Variants in RTP1 observed in about 807,000 individuals in gnomAD.
RTP1 encodes the protein receptor-transporting protein 1.
A neutral mutation model predicts 27.1 loss-of-function variants in RTP1; 24 were observed. The ratio of observed to expected loss-of-function variants is 0.89; its 90% CI spans 0.64 to 1.25. The LOEUF is 1.25. RTP1 is among the 50% of genes most tolerant of loss of function. The pLI is 0.00. For missense variants in RTP1, 338 were observed against 351.6 expected (o/e 0.96, Z 0.31); for synonymous variants, 148 against 148.1 (o/e 1.00, Z 0.00).
rs1721717659 is a variant in RTP1 at position 187,201,407 on chromosome 3, G to A, written c.*1337G>A. 6.6e-6 allele frequency: 1 copy of A among 152,172 alleles called. No individual in the cohort carries two copies. The highest frequency in any genetic ancestry group is 1.5e-5 in the Non-Finnish European group (1 of 68,030). The allele number at this position is 152,172 out of a possible 1,614,324, so 9.4% of individuals were successfully genotyped here. A position where few individuals can be genotyped will look rare whatever the true frequency, so the allele number is the denominator to read the frequency against. On this transcript the variant is annotated 3_prime_UTR_variant, in exon 2 of 2. Coordinates refer to ENST00000312295, the MANE Select transcript of RTP1 (RefSeq NM_153708.3). ...GTCACCATCATCTGTAGTGATGGAGGAAGGGGGTCACTTATATAAAGATGG... is the reference window on the plus strand; with the variant it reads ...GTCACCATCATCTGTAGTGATGGAGAAAGGGGGTCACTTATATAAAGATGG...
Position 187,197,766 on chromosome 3 carries a change from T to C in RTP1, c.251T>C (p.Leu84Pro). ...CTGAGCCCTGGTTGGAAGCAGTACC[T>C]GGAATTGCATGCTTCAGGCAGGTGA... Reference protein sequence around the residue: ...NVLSPGWKQYLELHASGRFHC... With the variant: ...NVLSPGWKQYPELHASGRFHC... The change falls in exon 1 of 2, where the codon CTG becomes CCG. Residue 84 changes from leucine to proline, a missense_variant. By Grantham distance (98) the Leu-to-Pro change is moderately conservative. This residue lies in a region of RTP1 where 22 missense variants were observed against 45.6 expected (regional missense o/e 0.48). Transcript: ENST00000312295. 1 of 1,613,280 alleles carries C rather than the reference T, an allele frequency of 6.2e-7. No homozygotes were observed. Among genetic ancestry groups the C allele is most frequent in the East Asian group, 2.2e-5 (1 of 44,854 alleles).
chr3:187,197,562 T>C lies in RTP1; in HGVS notation c.47T>C (p.Leu16Pro), dbSNP rs201340554. 8 of 1,614,166 alleles carry C rather than the reference T, an allele frequency of 5.0e-6. No homozygotes were observed. Among genetic ancestry groups the C allele is most frequent in the Non-Finnish European group, 5.9e-6 (7 of 1,180,014 alleles). Reference protein sequence around the residue: ...PWRLRCPALHLPSLSVFSLRW... With the variant: ...PWRLRCPALHPPSLSVFSLRW... ...AGACTGCGCTGCCCTGCCCTGCACC[T>C]ACCCTCACTCTCCGTGTTCTCACTA... is the stretch of plus-strand genomic sequence containing the variant. Residue 16 changes from leucine to proline, a missense_variant, in exon 1 of 2, where the codon CTA (leucine) becomes CCA (proline). Physicochemically the swap from Leu to Pro is moderately conservative, Grantham distance 98 (BLOSUM62 -3). Around this residue, in one of 3 missense-constraint regions of RTP1, gnomAD observed 64 missense variants for 74.5 expected, o/e 0.86. Transcript: ENST00000312295.
Position 187,197,645 on chromosome 3 carries a change from G to C in RTP1, c.130G>C (p.Asp44His), listed in dbSNP as rs764819295. 6.2e-7 allele frequency: 1 copy of C among 1,614,218 alleles called. No individual in the cohort carries two copies. The highest frequency in any genetic ancestry group is 1.1e-5 in the South Asian group (1 of 91,082). Residue 44 changes from aspartate (D) to histidine (H), a missense_variant, in exon 1 of 2, where the codon GAT becomes CAT. Physicochemically the swap from Asp to His is moderately conservative, Grantham distance 81 (BLOSUM62 -1). Transcript: ENST00000312295. ...DETMCKSVTT[D>H]EWKKVFYEKM... ...GACCATGTGTAAAAGCGTGACCACA[G>C]ATGAGTGGAAGAAAGTCTTCTATGA...
rs368211568 is a variant in RTP1, at chr3:187,200,092, G to A, written c.*22G>A. The A allele has an allele frequency of 3.2e-5, 48 of 1,490,540 alleles. No homozygotes were observed. In the African/African-American group the frequency reaches 6.3e-4, roughly 20 times the overall value. The allele number at this position is 1,490,540 out of a possible 1,614,324, so 92.3% of individuals were successfully genotyped here. A position where few individuals can be genotyped will look rare whatever the true frequency, so the allele number is the denominator to read the frequency against. ...ATAAGATTCCGTGGTTGGGCCCAGA[G>A]CCTGTCGAGGGTGCCAGTTAGCTGA... On this transcript the variant is annotated 3_prime_UTR_variant, in exon 2 of 2. Transcript: ENST00000312295.
At chr3:187,198,042 A>G in intron 1 of RTP1, 1 of 495,126 alleles carries the variant, frequency 2.0e-6, no homozygotes, top group East Asian at 3.3e-5. Context: ...TGGAAAATAA[A>G]GACATAGAAT....
intron 1 of RTP1, chr3:187,199,113 T>C (rs1721655731): frequency 6.3e-6 from 1 of 159,730 alleles, no homozygotes; most frequent in Non-Finnish European, 1.4e-5. Flanking sequence ...TGATAGCTAG[T>C]AATGGTGTCA....
chr3:187,199,007 T>G (rs1721653667), intron 1 of RTP1, among the ~76,000 whole-genome samples: 2 of 152,098 alleles, frequency 1.3e-5, no homozygotes, highest in African/African-American at 4.8e-5. Flanking sequence ...CTGGCCCCAG[T>G]CAGGCCTGGG....
rs1721667809 is a variant in RTP1 at position 187,199,629 on chromosome 3, C to T, written c.351C>T (p.Ala117=). Residue 117 remains alanine, a synonymous_variant, in exon 2 of 2, where the codon GCC becomes GCT. Transcript: ENST00000312295. The part of the protein sequence containing the change: ...VILFHMFLDR[A]QRAGSVRMRV... Reference sequence around the variant, plus strand: ...TCTTCCACATGTTCCTGGACCGCGCCCAGCGGGCGGGCTCGGTGCGCATGC... The same window carrying T: ...TCTTCCACATGTTCCTGGACCGCGCTCAGCGGGCGGGCTCGGTGCGCATGC... 1 of 1,608,952 alleles carries T rather than the reference C, an allele frequency of 6.2e-7. No individual in the cohort carries two copies. Among genetic ancestry groups the T allele is most frequent in the Non-Finnish European group, 8.5e-7 (1 of 1,175,932 alleles).
chr3:187,197,514 C>G lies in RTP1; in HGVS notation c.-2C>G. ...GGGTCCTGCTTCCTCCTGGTCTTGTCGATGAGGATTTTTAGACCGTGGAGA... is the reference window on the plus strand; with the variant it reads ...GGGTCCTGCTTCCTCCTGGTCTTGTGGATGAGGATTTTTAGACCGTGGAGA... On this transcript the variant is annotated 5_prime_UTR_variant, in exon 1 of 2. Transcript: ENST00000312295. 1.2e-6 allele frequency: 2 copies of G among 1,611,786 alleles called. No homozygotes were observed. The highest frequency in any genetic ancestry group is 1.7e-6 in the Non-Finnish European group (2 of 1,178,056).
chr3:187,197,552 G>A lies in RTP1; in HGVS notation c.37G>A (p.Ala13Thr), dbSNP rs745541212. The stretch of plus-strand genomic sequence containing the variant: ...TAGACCGTGGAGACTGCGCTGCCCT[G>A]CCCTGCACCTACCCTCACTCTCCGT... ...IFRPWRLRCP[A>T]LHLPSLSVFS... Residue 13 changes from alanine to threonine, a missense_variant, in exon 1 of 2, where the codon GCC becomes ACC. By Grantham distance (58) the Ala-to-Thr change is moderately conservative (BLOSUM62 0). Transcript: ENST00000312295. 3.1e-6 allele frequency: 5 copies of A among 1,614,144 alleles called. No homozygotes were observed. The highest frequency in any genetic ancestry group is 4.2e-6 in the Non-Finnish European group (5 of 1,180,018).
chr3:187,197,830 G>A (rs1295384469), intron 1 of RTP1, 43 bp downstream of exon 1: 1 of 1,585,616 alleles, frequency 6.3e-7, no homozygotes, highest in Non-Finnish European at 8.6e-7. Flanking sequence ...CCGCCTCTAG[G>A]TCCCTAGCTC....
At chr3:187,199,062 C>T (rs1315165322) in intron 1 of RTP1, among the ~76,000 whole-genome samples, 1 of 152,146 alleles carries the variant, frequency 6.6e-6, no homozygotes, top group African/African-American at 2.4e-5. Flanking sequence ...CCTCCACCTC[C>T]AGGCCTTGTG....
chr3:187,199,906 GAGGA>G lies in RTP1; in HGVS notation c.629_632del (p.Glu210GlyfsTer41). On this transcript the variant is annotated frameshift_variant, in exon 2 of 2. Coordinates refer to ENST00000312295, the MANE Select transcript of RTP1 (RefSeq NM_153708.3). LOFTEE classifies it high-confidence loss of function. ...GAAGCCCAGCGAGAAGCTGCTGGAG[GAGGA>G]GGCGACCACCTACACCTTCTCCCGG... is the stretch of plus-strand genomic sequence containing the variant. 1 of 1,593,818 alleles carries G rather than the reference GAGGA, an allele frequency of 6.3e-7. No homozygotes were observed. Among genetic ancestry groups the G allele is most frequent in the African/African-American group, 1.3e-5 (1 of 74,716 alleles).
chr3:187,199,419 C>A, intron 1 of RTP1, 132 bp from the exon 2 acceptor site: 1 of 1,011,728 alleles, frequency 9.9e-7, no homozygotes, highest in Non-Finnish European at 1.4e-6. Flanking sequence ...GCTAATGAAC[C>A]CAGGGCGCCG....
chr3:187,197,923 A>G (rs779643392), intron 1 of RTP1, 136 bp downstream of exon 1: 22 of 820,348 alleles, frequency 2.7e-5, no homozygotes, highest in Non-Finnish European at 3.8e-5. Flanking sequence ...CGTAGACTGG[A>G]AGTCAGAGAA....
chr3:187,199,248 T>C, intron 1 of RTP1: 1 of 389,954 alleles, frequency 2.6e-6, no homozygotes, highest in Non-Finnish European at 4.6e-6. Flanking sequence ...AAGCGCATTT[T>C]GCCCATGAGG....
At chr3:187,197,858 A>G in intron 1 of RTP1, 71 bp downstream of exon 1, 9 of 1,468,330 alleles carry the variant, frequency 6.1e-6, no homozygotes, top group Non-Finnish European at 7.5e-6. Context: ...CCTTCCAAGG[A>G]GAGGAAGATT....
rs370846504 is a variant in RTP1, at chr3:187,199,667, A to C, written c.389A>C (p.Gln130Pro). 1 of 1,610,312 alleles carries C rather than the reference A, an allele frequency of 6.2e-7. No homozygotes were observed. Among genetic ancestry groups the C allele is most frequent in the Non-Finnish European group, 8.5e-7 (1 of 1,176,962 alleles). ...AGSVRMRVFK[Q>P]LCYECGTARL... ...TCGGTGCGCATGCGCGTCTTCAAGC[A>C]GCTGTGCTATGAGTGCGGCACGGCG... The change falls in exon 2 of 2, where the codon CAG becomes CCG. Residue 130 changes from glutamine (Q) to proline (P), a missense_variant. By Grantham distance (76) the Gln-to-Pro change is moderately conservative (BLOSUM62 -1). Transcript: ENST00000312295.
Position 187,197,491 on chromosome 3 carries a change from G to A in RTP1, c.-25G>A, listed in dbSNP as rs746957542. ...CACTGCGGACAAAGGAGGGAGCTGG[G>A]TCCTGCTTCCTCCTGGTCTTGTCGA... On this transcript the variant is annotated 5_prime_UTR_variant, in exon 1 of 2. Coordinates refer to ENST00000312295, the MANE Select transcript of RTP1 (RefSeq NM_153708.3). The A allele has an allele frequency of 2.1e-5, 34 of 1,605,608 alleles. No homozygotes were observed. In the South Asian group the frequency reaches 3.6e-4, roughly 17 times the overall value.
Sources: gnomAD v4.1 joint callset for allele counts (sites outside exome capture counted in the v4.1 genomes callset) on GRCh38, gnomAD v4.1.1 for gene constraint, gnomAD v4.1.1 regional missense constraint, MANE v1.5 for transcripts, NCBI Gene and HGNC (gene_info 2026-07-23, HGNC 2026-07-21) for gene names.